Variants in STAB2 observed in about 807,000 individuals in gnomAD.
STAB2 encodes the protein stabilin-2.
Under a neutral mutation model 338.1 loss-of-function variants are expected in STAB2, and 288 were observed. The ratio of observed to expected loss-of-function variants is 0.85; its 90% CI spans 0.77 to 0.94. The LOEUF is 0.94. Among genes scored for constraint, STAB2 ranks in the 40% least tolerant of loss-of-function variants. STAB2 has a pLI of 0.00. For missense variants in STAB2, 3,141 were observed against 3,210.1 expected (o/e 0.98, Z 0.52); for synonymous variants, 1,202 against 1,193.3 (o/e 1.01, Z -0.15).
At chr12:103,688,705 G>A (rs1388597355) in intron 28 of STAB2, among the ~76,000 whole-genome samples, 1 of 152,200 alleles carries the variant, frequency 6.6e-6, no homozygotes, top group Non-Finnish European at 1.5e-5. Context: ...CCCCAGGACA[G>A]CTTCCTGTTG....
intron 6 of STAB2, among the ~76,000 whole-genome samples, chr12:103,632,861 A>G (rs551468106): frequency 1.8e-4 from 28 of 152,340 alleles, no homozygotes; most frequent in African/African-American, 6.5e-4. Flanking sequence ...AGATGTTAAG[A>G]AATCGACCAT....
intron 6 of STAB2, among the ~76,000 whole-genome samples, chr12:103,632,293 A>G (rs1957476224): frequency 6.6e-6 from 1 of 152,258 alleles, no homozygotes; most frequent in Non-Finnish European, 1.5e-5. Flanking sequence ...CTATGATAGG[A>G]GAGCAGCTGT....
At position 103,758,336 on chromosome 12, in the gene STAB2, A is replaced by G. The variant is rs1281641216; in HGVS notation, c.7107+47A>G. ...TTTGCTTTAGACTAGCATGTTATCT[A>G]TCACCACAACAATGCTGTGTCACAA... On this transcript the variant is annotated intron_variant, in intron 64 of 68. Transcript: ENST00000388887. 3.7e-6 allele frequency: 6 copies of G among 1,605,928 alleles called. No individual in the cohort carries two copies. In the African/African-American group the frequency reaches 8.0e-5, roughly 21 times the overall value.
intron 27 of STAB2, among the ~76,000 whole-genome samples, chr12:103,686,283 C>T (rs1395738179): frequency 6.6e-6 from 1 of 152,196 alleles, no homozygotes; most frequent in African/African-American, 2.4e-5. Flanking sequence ...CTTCCCCTCT[C>T]ACTGTCAACT....
intron 28 of STAB2, among the ~76,000 whole-genome samples, chr12:103,688,474 G>T (rs1209264359): frequency 6.6e-5 from 10 of 152,182 alleles, no homozygotes; most frequent in African/African-American, 9.7e-5. Flanking sequence ...GGCCAGAAAG[G>T]GGGCTTCATT....
chr12:103,648,950 C>T, intron 10 of STAB2, 127 bp downstream of exon 10: 1 of 1,332,340 alleles, frequency 7.5e-7, no homozygotes, highest in Non-Finnish European at 1.0e-6. Flanking sequence ...TTGGAGGGGT[C>T]ATGCAGGTGA....
intron 6 of STAB2, among the ~76,000 whole-genome samples, chr12:103,633,008 G>T (rs1478262152): frequency 6.6e-6 from 1 of 152,220 alleles, no homozygotes; most frequent in African/African-American, 2.4e-5. Flanking sequence ...GTGAGCGGTG[G>T]TAGTAACAGG....
chr12:103,666,236 G>A lies in STAB2; in HGVS notation c.2023-55G>A, dbSNP rs1037416505. 1.4e-5 allele frequency: 22 copies of A among 1,561,338 alleles called. No homozygotes were observed. The South Asian group carries it at 1.6e-4, about 11-fold the overall frequency. On this transcript the variant is annotated intron_variant, in intron 18 of 68. Coordinates refer to ENST00000388887, the MANE Select transcript of STAB2 (RefSeq NM_017564.10). Reference sequence around the variant, plus strand: ...GCATGAAACCAGCCACAGGACCATCGCCACTGCTCCCTCTCATAGGGACAC... The same window carrying A: ...GCATGAAACCAGCCACAGGACCATCACCACTGCTCCCTCTCATAGGGACAC...
chr12:103,648,281 A>G (rs891179384), intron 9 of STAB2, among the ~76,000 whole-genome samples: 2 of 152,204 alleles, frequency 1.3e-5, no homozygotes, highest in Admixed American at 1.3e-4. Flanking sequence ...TTCTAAGTAG[A>G]TCAATAATGC....
At chr12:103,745,140 C>T (rs2292687) in intron 56 of STAB2, 33 bp from the exon 57 acceptor site, 419,806 of 1,587,594 alleles carry the variant, frequency 0.26, 63,237 homozygotes, top group East Asian at 0.71. Context: ...GTCTCAACCC[C>T]TGATGACTGA....
chr12:103,624,735 T>G (rs771573406), intron 5 of STAB2, among the ~76,000 whole-genome samples: 2 of 152,068 alleles, frequency 1.3e-5, no homozygotes, highest in Non-Finnish European at 2.9e-5. Context: ...GTCAGGAGTT[T>G]GAGACCAGCC....
intron 25 of STAB2, among the ~76,000 whole-genome samples, chr12:103,678,927 G>C (rs1876641561): frequency 6.6e-6 from 1 of 152,198 alleles, no homozygotes; most frequent in South Asian, 2.1e-4. Context: ...TGCTAGGAAT[G>C]AGTGATGGAA....
intron 46 of STAB2, 41 bp downstream of exon 46, chr12:103,726,204 C>A: frequency 6.2e-7 from 1 of 1,609,236 alleles, no homozygotes; most frequent in South Asian, 1.1e-5. Flanking sequence ...AGAGTTCAGC[C>A]TAGGCCAGGT....
At chr12:103,660,630 G>C (rs1021645809) in intron 16 of STAB2, 53 bp from the exon 17 acceptor site, 36 of 1,578,776 alleles carry the variant, frequency 2.3e-5, no homozygotes, top group Non-Finnish European at 2.9e-5. Context: ...AAGAACTCAG[G>C]GCCCTGCGTG....
intron 65 of STAB2, among the ~76,000 whole-genome samples, chr12:103,760,340 A>C (rs1053551832): frequency 1.1e-4 from 16 of 152,076 alleles, no homozygotes; most frequent in Non-Finnish European, 1.2e-4. Flanking sequence ...GGTTCACTGC[A>C]ACCTCCCCCT....
chr12:103,606,102 C>T (rs1432193579), intron 3 of STAB2, among the ~76,000 whole-genome samples: 1 of 151,966 alleles, frequency 6.6e-6, no homozygotes, highest in African/African-American at 2.4e-5. Flanking sequence ...TTAGGATCCT[C>T]TTTTGTCTCC....
chr12:103,758,608 G>A (rs548830239), intron 64 of STAB2, among the ~76,000 whole-genome samples: 1 of 152,312 alleles, frequency 6.6e-6, no homozygotes, highest in East Asian at 1.9e-4. Context: ...GCTTTCTCAA[G>A]CCTCTGTTTG....
intron 38 of STAB2, 43 bp downstream of exon 38, chr12:103,707,030 C>T: frequency 6.2e-7 from 1 of 1,601,836 alleles, no homozygotes; most frequent in Admixed American, 1.7e-5. Context: ...GCTGCTGAAA[C>T]CAACCAGGAA....
intron 8 of STAB2, 144 bp downstream of exon 8, chr12:103,638,356 C>T (rs1160088687): frequency 5.8e-5 from 51 of 884,206 alleles, no homozygotes; most frequent in Non-Finnish European, 8.3e-5. Flanking sequence ...CCTCCATGTG[C>T]TCAGAGCCTG....
Sources: allele counts gnomAD v4.1 joint callset (sites outside exome capture counted in the v4.1 genomes callset), GRCh38; gene constraint gnomAD v4.1.1; transcripts MANE v1.5; gene names NCBI Gene and HGNC (gene_info 2026-07-23, HGNC 2026-07-21).